Variants in SULT1B1 observed in about 807,000 individuals in gnomAD.
The protein encoded by SULT1B1 is sulfotransferase family 1B member 1.
SULT1B1 carries 28 observed loss-of-function variants against 34.6 expected under a neutral mutation model. The observed-to-expected ratio is 0.81, with a 90% CI of 0.60 to 1.11. The LOEUF (loss-of-function observed/expected upper bound fraction) is 1.11, where lower values mean the gene tolerates loss of function less well. Among genes scored for constraint, SULT1B1 ranks in the 50% least tolerant of loss-of-function variants. The pLI is 0.00. For synonymous variants in SULT1B1, 147 were observed against 110.2 expected (o/e 1.33, Z -2.09); for missense variants, 374 against 352.2 (o/e 1.06, Z -0.50).
At position 69,723,088 on chromosome 4, in the gene SULT1B1, T is replaced by C. The variant is rs1411067382; in HGVS notation, c.*4000A>G. ...AAAAATCAGTGAATTCAGGAGCTGG[T>C]TTTTCGAAAAGATCAACAAAATTGA... On this transcript the variant is annotated 3_prime_UTR_variant, in exon 8 of 8. Transcript: ENST00000310613. 6.6e-6 allele frequency: 1 copy of C among 151,366 alleles called. No homozygotes were observed. The highest frequency in any genetic ancestry group is 2.4e-5 in the African/African-American group (1 of 41,190). 9.4% of individuals were successfully genotyped at this position (151,366 alleles called of 1,614,324 possible).
At position 69,728,802 on chromosome 4, in the gene SULT1B1, T is replaced by C. The variant is rs17625755; in HGVS notation, c.779-1602A>G. Among the ~76,000 whole-genome samples the C allele has an allele frequency of 4.6e-5, 7 of 151,950 alleles. No homozygotes were observed. The South Asian group carries it at 1.0e-3, about 22-fold the overall frequency. On this transcript the variant is annotated intron_variant, in intron 7 of 7. Coordinates refer to ENST00000310613, the MANE Select transcript of SULT1B1 (RefSeq NM_014465.4). ...TCCCCAGAAACTTTTGCCACAGGTGTTATTATATTATCTATTTTGCCAGTG... is the reference window on the plus strand; with the variant it reads ...TCCCCAGAAACTTTTGCCACAGGTGCTATTATATTATCTATTTTGCCAGTG...
intron 2 of SULT1B1, 73 bp from the exon 3 acceptor site, chr4:69,754,871 C>A: frequency 6.6e-7 from 1 of 1,516,868 alleles, no homozygotes; most frequent in South Asian, 1.2e-5. Context: ...TTATTGGAAA[C>A]ACTACCATCT....
chr4:69,734,069 TA>T, intron 5 of SULT1B1, 68 bp downstream of exon 5: 1 of 1,255,896 alleles, frequency 8.0e-7, no homozygotes, highest in Non-Finnish European at 1.1e-6. Context: ...TTGAAAGTCA[TA>T]AAAGTTATTG....
intron 4 of SULT1B1, 79 bp downstream of exon 4, chr4:69,749,642 A>G (rs1718895276): frequency 4.7e-6 from 5 of 1,062,584 alleles, no homozygotes; most frequent in Non-Finnish European, 7.1e-6. Flanking sequence ...GAAACAAAAA[A>G]TATTTTAAAA....
At chr4:69,746,475 C>T (rs1718749636) in intron 4 of SULT1B1, among the ~76,000 whole-genome samples, 1 of 152,130 alleles carries the variant, frequency 6.6e-6, no homozygotes, top group African/African-American at 2.4e-5. Flanking sequence ...ATATTCTTTT[C>T]TCAGCTTGGT....
chr4:69,748,232 C>G (rs1718831809), intron 4 of SULT1B1, among the ~76,000 whole-genome samples: 1 of 151,808 alleles, frequency 6.6e-6, no homozygotes, highest in Non-Finnish European at 1.5e-5. Context: ...CTAGGAGTGG[C>G]TATATCAATA....
chr4:69,729,070 T>C (rs1323279478), intron 7 of SULT1B1, among the ~76,000 whole-genome samples: 1 of 152,100 alleles, frequency 6.6e-6, no homozygotes, highest in East Asian at 1.9e-4. Flanking sequence ...TGAAATGGCA[T>C]CAATTTTCAT....
chr4:69,727,286 C>G, intron 7 of SULT1B1, 86 bp from the exon 8 acceptor site: 1 of 930,524 alleles, frequency 1.1e-6, no homozygotes, highest in Non-Finnish European at 1.5e-6. Flanking sequence ...GATTAGAAGG[C>G]CTAAAGAAAG....
rs1366387314 is a variant in SULT1B1, at chr4:69,724,985, C to T, written c.*2103G>A. ...GGCAAGGACTTCATGTCTAAAACAC[C>T]AAAAGCAATGGCAACAAAAGCCAAA... On this transcript the variant is annotated 3_prime_UTR_variant, in exon 8 of 8. Transcript: ENST00000310613. 2 of 151,966 alleles carry T rather than the reference C, an allele frequency of 1.3e-5. No individual in the cohort carries two copies. Among genetic ancestry groups the T allele is most frequent in the Non-Finnish European group, 2.9e-5 (2 of 67,988 alleles). 9.4% of individuals were successfully genotyped at this position (151,966 alleles called of 1,614,324 possible).
chr4:69,734,545 G>A (rs1718223749), intron 4 of SULT1B1, among the ~76,000 whole-genome samples: 1 of 152,076 alleles, frequency 6.6e-6, no homozygotes, highest in Admixed American at 6.5e-5. Context: ...AGACCACTGT[G>A]GCTTCTGGAA....
intron 4 of SULT1B1, among the ~76,000 whole-genome samples, chr4:69,736,949 G>A (rs927972425): frequency 3.3e-5 from 5 of 151,878 alleles, no homozygotes; most frequent in African/African-American, 1.2e-4. Context: ...TGGAGAATTG[G>A]TGACCAAAAA....
chr4:69,740,669 C>T (rs566928356), intron 4 of SULT1B1, among the ~76,000 whole-genome samples: 1 of 152,256 alleles, frequency 6.6e-6, no homozygotes, highest in East Asian at 1.9e-4. Context: ...AATTTATATG[C>T]CTTCAGGTAA....
At chr4:69,742,331 T>C (rs1370380562) in intron 4 of SULT1B1, among the ~76,000 whole-genome samples, 1 of 152,228 alleles carries the variant, frequency 6.6e-6, no homozygotes, top group East Asian at 1.9e-4. Flanking sequence ...TGAAGTTTTC[T>C]TTTTTGTTGT....
At chr4:69,751,478 GTC>G in intron 3 of SULT1B1, among the ~76,000 whole-genome samples, 1 of 152,300 alleles carries the variant, frequency 6.6e-6, no homozygotes, top group South Asian at 2.1e-4. Flanking sequence ...TTGAGACGGA[GTC>G]TCACTCTGTC....
chr4:69,729,255 T>C (rs931999079), intron 7 of SULT1B1, among the ~76,000 whole-genome samples: 3 of 152,098 alleles, frequency 2.0e-5, no homozygotes, highest in Non-Finnish European at 2.9e-5. Flanking sequence ...GGTTCACTTA[T>C]ATGCAGTTTT....
chr4:69,727,131 G>A lies in SULT1B1; in HGVS notation c.848C>T (p.Thr283Ile). The change falls in exon 8 of 8, where the codon ACA becomes ATA. Residue 283 changes from threonine to isoleucine, a missense_variant. Coordinates refer to ENST00000310613, the MANE Select transcript of SULT1B1 (RefSeq NM_014465.4). ...TTGAAGTGCAGTTTTGGACATTTCT[G>A]TCTCATAAATAGCATCAAATTTCTC... ...QNEKFDAIYE[T>I]EMSKTALQFR... 1 of 1,610,850 alleles carries A rather than the reference G, an allele frequency of 6.2e-7. No homozygotes were observed. Among genetic ancestry groups the A allele is most frequent in the African/African-American group, 1.3e-5 (1 of 74,740 alleles).
chr4:69,740,837 T>C (rs1343277449), intron 4 of SULT1B1, among the ~76,000 whole-genome samples: 2 of 152,214 alleles, frequency 1.3e-5, no homozygotes, highest in African/African-American at 2.4e-5. Flanking sequence ...CTTTGTCAGA[T>C]GTATAGTTTG....
chr4:69,722,347 T>C lies in SULT1B1; in HGVS notation c.*4741A>G, dbSNP rs1717683435. The C allele has an allele frequency of 6.6e-6, 1 of 152,040 alleles. No individual in the cohort carries two copies. The highest frequency in any genetic ancestry group is 1.5e-5 in the Non-Finnish European group (1 of 67,978). 9.4% of individuals were successfully genotyped at this position (152,040 alleles called of 1,614,324 possible). A position where few individuals can be genotyped will look rare whatever the true frequency, so the allele number is the denominator to read the frequency against. On this transcript the variant is annotated 3_prime_UTR_variant, in exon 8 of 8. Coordinates refer to ENST00000310613, the MANE Select transcript of SULT1B1 (RefSeq NM_014465.4). Reference sequence around the variant, plus strand: ...ATCTATTACACAGATTAGAGGATAGTTTAGTGGTGTTTTTTCCCTCAGTAA... The same window carrying C: ...ATCTATTACACAGATTAGAGGATAGCTTAGTGGTGTTTTTTCCCTCAGTAA...
At position 69,722,034 on chromosome 4, in the gene SULT1B1, T is replaced by C. The variant is rs1560516037; in HGVS notation, c.*5054A>G. 1 of 152,148 alleles carries C rather than the reference T, an allele frequency of 6.6e-6. No homozygotes were observed. The highest frequency in any genetic ancestry group is 1.5e-5 in the Non-Finnish European group (1 of 68,008). The allele number at this position is 152,148 out of a possible 1,614,324, so 9.4% of individuals were successfully genotyped here. A position where few individuals can be genotyped will look rare whatever the true frequency, so the allele number is the denominator to read the frequency against. On this transcript the variant is annotated 3_prime_UTR_variant, in exon 8 of 8. Transcript: ENST00000310613. ...AAGGGTATCAAATGTATTTGAATCA[T>C]AGAAGTGCCACTGTGTGCTGTTAAA...
Sources: allele counts gnomAD v4.1 joint callset (sites outside exome capture counted in the v4.1 genomes callset), GRCh38; gene constraint gnomAD v4.1.1; transcripts MANE v1.5; gene names NCBI Gene and HGNC (gene_info 2026-07-23, HGNC 2026-07-21).